ADGRF4: variants seen among roughly 807,000 people sequenced by gnomAD.
ADGRF4 encodes adhesion G protein-coupled receptor F4, also known as G-protein coupled receptor PGR18.
In ADGRF4, 63 loss-of-function variants were observed where a neutral mutation model predicts 58.5. That is an observed-to-expected ratio of 1.08 (90% CI 0.88 to 1.33). The LOEUF (loss-of-function observed/expected upper bound fraction) is 1.33, where lower values mean the gene tolerates loss of function less well. ADGRF4 is among the 40% of genes most tolerant of loss of function. ADGRF4 has a pLI of 0.00. For missense variants in ADGRF4, 931 were observed against 843.9 expected, an observed-to-expected ratio of 1.10 and a Z score of -1.28; for synonymous variants, 313 against 295.4, an observed-to-expected ratio of 1.06 and a Z score of -0.61.
chr6:47,709,692 C>T (rs941931802), intron 3 of ADGRF4, among the ~76,000 whole-genome samples: 1 of 152,182 alleles, frequency 6.6e-6, no homozygotes, highest in African/African-American at 2.4e-5. Flanking sequence ...ACTCCCAGTG[C>T]TTTTGTGGTC....
Position 47,713,914 on chromosome 6 carries a change from A to T in ADGRF4, c.669A>T (p.Arg223Ser), listed in dbSNP as rs909394356. 3 of 1,609,774 alleles carry T rather than the reference A, an allele frequency of 1.9e-6. No homozygotes were observed. The highest frequency in any genetic ancestry group is 2.5e-6 in the Non-Finnish European group (3 of 1,178,336). The stretch of plus-strand genomic sequence containing the variant: ...TGCAGTCAGTGAATTTGTTTGCCAG[A>T]CAACTCCACATCCACAATAATTCTG... ...DLLQSVNLFARQLHIHNNSEN... is the reference protein window; with the variant it reads ...DLLQSVNLFASQLHIHNNSEN... The change falls in exon 6 of 10, where the codon AGA becomes AGT. Residue 223 changes from arginine (R) to serine (S), a missense_variant. By Grantham distance (110) the Arg-to-Ser change is moderately radical. Transcript: ENST00000283303.
At chr6:47,702,783 G>A (rs572590488) in intron 1 of ADGRF4, among the ~76,000 whole-genome samples, 3 of 152,312 alleles carry the variant, frequency 2.0e-5, no homozygotes, top group Admixed American at 1.3e-4. Context: ...TGAACAGAAT[G>A]TAGAACCAGA....
intron 1 of ADGRF4, among the ~76,000 whole-genome samples, chr6:47,703,609 A>T (rs1771639142): frequency 1.3e-5 from 2 of 152,218 alleles, no homozygotes; most frequent in South Asian, 4.1e-4. Flanking sequence ...GTATATAGTT[A>T]CATATGCCAG....
chr6:47,702,681 G>A (rs1055577109), intron 1 of ADGRF4, among the ~76,000 whole-genome samples: 3 of 152,140 alleles, frequency 2.0e-5, no homozygotes, highest in Non-Finnish European at 2.9e-5. Context: ...AAATGGAGAC[G>A]TCTCTTCCCA....
intron 1 of ADGRF4, among the ~76,000 whole-genome samples, chr6:47,706,243 C>T (rs1448645962): frequency 6.6e-6 from 1 of 152,096 alleles, no homozygotes; most frequent in Non-Finnish European, 1.5e-5. Context: ...GTTGATAAAT[C>T]TCAACTGTTG....
chr6:47,715,983 ATTTTTT>A (rs3030671), intron 6 of ADGRF4, among the ~76,000 whole-genome samples: 774 of 143,802 alleles, frequency 5.4e-3, no homozygotes, highest in Non-Finnish European at 9.7e-3. Flanking sequence ...GACATGAGGG[ATTTTTT>A]TTTTTTTTTT....
In ADGRF4 at chr6:47,712,527, T is replaced by C. The variant is rs1239612097; in HGVS notation, c.471T>C (p.Ser157=). Residue 157 remains serine (S), a synonymous_variant, in exon 5 of 10, where the codon TCT becomes TCC. Coordinates refer to ENST00000283303, the MANE Select transcript of ADGRF4 (RefSeq NM_153838.5). ...TDMVKSSETT[S]GNIAFIVELL... ...TGGTGAAATCATCAGAAACAACATC[T>C]GGAAATATTGCATTTATAGTGGAGT... The C allele has an allele frequency of 6.2e-7, 1 of 1,612,050 alleles. No individual in the cohort carries two copies. Among genetic ancestry groups the C allele is most frequent in the Non-Finnish European group, 8.5e-7 (1 of 1,178,056 alleles).
rs114378452 is a variant in ADGRF4, at chr6:47,708,375, C to T, written c.148+97C>T. 1,746 of 840,760 alleles carry T rather than the reference C, an allele frequency of 2.1e-3. 17 individuals carry two copies. Among genetic ancestry groups the T allele is most frequent in the African/African-American group, 0.014 (802 of 59,306 alleles). 52.1% of individuals were successfully genotyped at this position (840,760 alleles called of 1,614,324 possible). A position where few individuals can be genotyped will look rare whatever the true frequency, so the allele number is the denominator to read the frequency against. The stretch of plus-strand genomic sequence containing the variant: ...AGCTTGTCCCCAGACCACAGGCTTT[C>T]CAACTGAATAGCAATCTCCAGTAAG... On this transcript the variant is annotated intron_variant, in intron 3 of 9. Transcript: ENST00000283303.
Position 47,715,165 on chromosome 6 carries a change from CA to C in ADGRF4, c.1922del (p.Asn641MetfsTer19). ...LTFHIIFALL[N>X]AFQGFFILLF... Reference sequence around the variant, plus strand: ...CGTTCCATATAATTTTTGCCTTGCTCAATGCTTTCCAGGTAAGTTCCAAGAG... The same window carrying C: ...CGTTCCATATAATTTTTGCCTTGCTCATGCTTTCCAGGTAAGTTCCAAGAG... On this transcript the variant is annotated frameshift_variant, in exon 6 of 10. Transcript: ENST00000283303. LOFTEE classifies it high-confidence loss of function. The C allele has an allele frequency of 6.3e-7, 1 of 1,581,516 alleles. No homozygotes were observed. The highest frequency in any genetic ancestry group is 1.1e-5 in the South Asian group (1 of 88,236).
At position 47,715,123 on chromosome 6, in the gene ADGRF4, A is replaced by G. The variant is rs766513067; in HGVS notation, c.1878A>G (p.Ile626Met). The G allele has an allele frequency of 1.2e-4, 193 of 1,603,348 alleles. No individual in the cohort carries two copies. Among genetic ancestry groups the G allele is most frequent in the Non-Finnish European group, 1.6e-4 (187 of 1,170,994 alleles). Reference sequence around the variant, plus strand: ...GGGGTTTTGGAATAGCCACTCTCATAGAAGGCACTTCCTTGACGTTCCATA... The same window carrying G: ...GGGGTTTTGGAATAGCCACTCTCATGGAAGGCACTTCCTTGACGTTCCATA... ...LTWGFGIATL[I>M]EGTSLTFHII... Residue 626 changes from isoleucine to methionine, a missense_variant, in exon 6 of 10, where the codon ATA becomes ATG. By Grantham distance (10) the Ile-to-Met change is conservative. Transcript: ENST00000283303.
Position 47,716,033 on chromosome 6 carries a change from C to T in ADGRF4, c.1933-773C>T, listed in dbSNP as rs75737960. Among the ~76,000 whole-genome samples the T allele has an allele frequency of 5.5e-3, 841 of 151,676 alleles. 13 individuals are homozygous for T. The highest frequency in any genetic ancestry group is 0.019 in the African/African-American group (804 of 41,322). ...CTCTGGGACTTTTGATAAATTTCCC[C>T]ACTCTTGAAGTTACTCTGGTGAGTA... On this transcript the variant is annotated intron_variant, in intron 6 of 9. Coordinates refer to ENST00000283303, the MANE Select transcript of ADGRF4 (RefSeq NM_153838.5).
Position 47,715,606 on chromosome 6 carries a change from C to A in ADGRF4, c.1932+429C>A, listed in dbSNP as rs566333180. On this transcript the variant is annotated intron_variant, in intron 6 of 9. Coordinates refer to ENST00000283303, the MANE Select transcript of ADGRF4 (RefSeq NM_153838.5). Reference sequence around the variant, plus strand: ...CCTTGCCACTCACTTTGGGTGTTAGCCAGTCAGGAGTTCTCATACCTCTTT... The same window carrying A: ...CCTTGCCACTCACTTTGGGTGTTAGACAGTCAGGAGTTCTCATACCTCTTT... 6.3e-5 allele frequency: 10 copies of A among 157,666 alleles called. No individual in the cohort carries two copies. In the South Asian group the frequency reaches 1.9e-3, roughly 29 times the overall value. 9.8% of individuals were successfully genotyped at this position (157,666 alleles called of 1,614,324 possible).
At chr6:47,709,659 T>G (rs1282453182) in intron 3 of ADGRF4, among the ~76,000 whole-genome samples, 1 of 152,222 alleles carries the variant, frequency 6.6e-6, no homozygotes, top group Admixed American at 6.5e-5. Flanking sequence ...ATGCTGAAAT[T>G]TATTTGTATT....
chr6:47,707,664 T>A (rs1353448079), intron 2 of ADGRF4, among the ~76,000 whole-genome samples: 1 of 152,228 alleles, frequency 6.6e-6, no homozygotes, highest in Non-Finnish European at 1.5e-5. Flanking sequence ...TTCCACTAGT[T>A]GCACAAGTTG....
At chr6:47,719,796 A>T (rs1371630690) in intron 9 of ADGRF4, among the ~76,000 whole-genome samples, 1 of 152,184 alleles carries the variant, frequency 6.6e-6, no homozygotes, top group African/African-American at 2.4e-5. Context: ...GAGCTACACT[A>T]CTTACTAGGG....
chr6:47,704,410 A>G (rs1161484258), intron 1 of ADGRF4, among the ~76,000 whole-genome samples: 1 of 152,126 alleles, frequency 6.6e-6, no homozygotes, highest in East Asian at 1.9e-4. Context: ...ATGATCTGAA[A>G]TGTGGAGAGG....
At position 47,713,926 on chromosome 6, in the gene ADGRF4, C is replaced by G. The variant is rs781001596; in HGVS notation, c.681C>G (p.Ile227Met). 1.2e-5 allele frequency: 20 copies of G among 1,610,250 alleles called. No individual in the cohort carries two copies. The highest frequency in any genetic ancestry group is 1.7e-6 in the Non-Finnish European group (2 of 1,178,292). The stretch of plus-strand genomic sequence containing the variant: ...ATTTGTTTGCCAGACAACTCCACAT[C>G]CACAATAATTCTGAGAACATTGTGA... ...SVNLFARQLH[I>M]HNNSENIVNE... is the part of the protein sequence containing the mutation. The change falls in exon 6 of 10, where the codon ATC becomes ATG. Residue 227 changes from isoleucine (I) to methionine (M), a missense_variant. Transcript: ENST00000283303.
At chr6:47,706,511 G>A (rs1030584369) in intron 1 of ADGRF4, among the ~76,000 whole-genome samples, 1 of 152,196 alleles carries the variant, frequency 6.6e-6, no homozygotes, top group Non-Finnish European at 1.5e-5. Flanking sequence ...CTCAACTGGG[G>A]GAGGTCTTTT....
chr6:47,710,496 T>C (rs891794138), intron 3 of ADGRF4, among the ~76,000 whole-genome samples: 15 of 152,206 alleles, frequency 9.9e-5, no homozygotes, highest in African/African-American at 3.6e-4. Flanking sequence ...TCAGGTGCTC[T>C]GGACTAGCCT....
Sources: gnomAD v4.1 joint callset for allele counts (sites outside exome capture counted in the v4.1 genomes callset) on GRCh38, gnomAD v4.1.1 for gene constraint, MANE v1.5 for transcripts, NCBI Gene and HGNC (gene_info 2026-07-23, HGNC 2026-07-21) for gene names.